Variants in FHL2 observed in about 807,000 individuals in gnomAD.
FHL2 encodes four and a half LIM domains protein 2.
Under a neutral mutation model 32.7 loss-of-function variants are expected in FHL2, and 20 were observed. That is an observed-to-expected ratio of 0.61 (90% CI 0.43 to 0.89). The LOEUF (loss-of-function observed/expected upper bound fraction) is 0.89. FHL2 is among the 40% of genes least tolerant of loss of function. FHL2 has a pLI of 0.00. For synonymous variants in FHL2, 123 were observed against 128.1 expected (o/e 0.96, Z 0.27); for missense variants, 311 against 358.6 (o/e 0.87, Z 1.07).
chr2:105,429,899 T>C (rs866101101), intron 1 of FHL2, among the ~76,000 whole-genome samples: 14 of 152,170 alleles, frequency 9.2e-5, no homozygotes, highest in African/African-American at 1.4e-4. Flanking sequence ...GCTCAGTTCA[T>C]GGTAGCCATG....
chr2:105,393,472 A>G (rs1682882388), intron 2 of FHL2, among the ~76,000 whole-genome samples: 1 of 152,186 alleles, frequency 6.6e-6, no homozygotes. Flanking sequence ...AAACTGGTCT[A>G]TGTGGGCTCT....
intron 3 of FHL2, chr2:105,378,357 C>T (rs1558695107): frequency 2.7e-6 from 1 of 370,384 alleles, no homozygotes; most frequent in Non-Finnish European, 5.4e-6. Flanking sequence ...TGTCCCCCCA[C>T]ACCCTGCTCT....
intron 5 of FHL2, among the ~76,000 whole-genome samples, chr2:105,366,379 G>A (rs944563900): frequency 2.0e-5 from 3 of 152,182 alleles, no homozygotes; most frequent in African/African-American, 7.2e-5. Flanking sequence ...AAGGGTAGAG[G>A]CCCCAAGGGC....
At chr2:105,401,573 G>A (rs758602450), upstream of FHL2, among the ~76,000 whole-genome samples, 10 of 152,080 alleles carry the variant, frequency 6.6e-5, no homozygotes, top group Non-Finnish European at 1.0e-4. Context: ...TGTGTAAAAC[G>A]ATAGACACAC....
At chr2:105,406,476 C>A (rs1339059607) in intron 1 of FHL2, among the ~76,000 whole-genome samples, 4 of 141,982 alleles carry the variant, frequency 2.8e-5, no homozygotes, top group African/African-American at 1.1e-4. Flanking sequence ...TTTTGGCCTT[C>A]CTTTTGATAA....
chr2:105,421,043 C>T (rs1558730914), intron 1 of FHL2, among the ~76,000 whole-genome samples: 1 of 152,166 alleles, frequency 6.6e-6, no homozygotes, highest in Admixed American at 6.5e-5. Context: ...TGTACAGAGC[C>T]AGTGGTGGCC....
At chr2:105,395,218 C>T (rs1294900654) in intron 2 of FHL2, among the ~76,000 whole-genome samples, 2 of 152,222 alleles carry the variant, frequency 1.3e-5, no homozygotes, top group Non-Finnish European at 2.9e-5. Flanking sequence ...CAATTGCAGC[C>T]ATGCAGGACA....
chr2:105,386,426 A>G lies in FHL2; in HGVS notation c.91T>C (p.Cys31Arg). The G allele has an allele frequency of 1.2e-6, 2 of 1,614,218 alleles. No homozygotes were observed. Among genetic ancestry groups the G allele is most frequent in the Non-Finnish European group, 1.7e-6 (2 of 1,180,042 alleles). The change falls in exon 3 of 7, where the codon TGC (cysteine) becomes CGC (arginine). Residue 31 changes from cysteine to arginine, a missense_variant. Transcript: ENST00000530340. ...LREESPYCVV[C>R]FETLFANTCE... ...GTGTTGGCGAACAGGGTCTCAAAGC[A>G]CACCACGCAGTAGGGGCTCTCCTCC...
intron 2 of FHL2, among the ~76,000 whole-genome samples, chr2:105,392,238 C>T (rs928473729): frequency 2.6e-5 from 4 of 152,116 alleles, no homozygotes; most frequent in African/African-American, 9.7e-5. Flanking sequence ...TTTGGGAGAC[C>T]GAGGCAGACA....
intron 2 of FHL2, among the ~76,000 whole-genome samples, chr2:105,394,297 G>A (rs541750851): frequency 3.3e-5 from 5 of 152,156 alleles, no homozygotes; most frequent in Non-Finnish European, 7.4e-5. Flanking sequence ...AAGCCTTGGA[G>A]TCCCTAAAGA....
chr2:105,396,238 TGGAGACCCA>T (rs1683120849), intron 2 of FHL2, among the ~76,000 whole-genome samples: 1 of 152,138 alleles, frequency 6.6e-6, no homozygotes, highest in Non-Finnish European at 1.5e-5. Flanking sequence ...GTCAGTAGGC[TGGAGACCCA>T]GGAGAGCCGA....
intron 1 of FHL2, among the ~76,000 whole-genome samples, chr2:105,398,407 T>G (rs1683288044): frequency 6.6e-6 from 1 of 152,214 alleles, no homozygotes; most frequent in African/African-American, 2.4e-5. Context: ...TTATTTCTAC[T>G]AAAGGGAAAT....
chr2:105,394,461 T>C (rs1430133490), intron 2 of FHL2, among the ~76,000 whole-genome samples: 1 of 151,854 alleles, frequency 6.6e-6, no homozygotes, highest in Non-Finnish European at 1.5e-5. Context: ...CAGTCCTAGC[T>C]ACCTGGGAGA....
In FHL2 at chr2:105,390,798, A is replaced by ATT. The variant is rs66618223; in HGVS notation, c.-24-4260_-24-4259dup. ...GTATTAGAAATCTCCTATAACTTGC[A>ATT]TTTTTTTTTTTTTTTTGAGACAGAG... On this transcript the variant is annotated intron_variant, in intron 2 of 6. Coordinates refer to ENST00000530340, the MANE Select transcript of FHL2 (RefSeq NM_001318895.3). Among the ~76,000 whole-genome samples the ATT allele has an allele frequency of 3.6e-4, 52 of 143,096 alleles. 1 individual carries two copies. The highest frequency in any genetic ancestry group is 3.7e-3 in the Middle Eastern group (1 of 272). 93.9% of individuals were successfully genotyped at this position (143,096 alleles called of 152,430 possible). A position where few individuals can be genotyped will look rare whatever the true frequency, so the allele number is the denominator to read the frequency against.
chr2:105,438,521 C>T (rs903484687), upstream of FHL2: 4 of 985,406 alleles, frequency 4.1e-6, no homozygotes, highest in African/African-American at 3.5e-5. Context: ...GCTGCGCTGC[C>T]CTTGTCAGTG....
At chr2:105,429,018 G>A (rs563154461) in intron 1 of FHL2, among the ~76,000 whole-genome samples, 8 of 152,232 alleles carry the variant, frequency 5.3e-5, no homozygotes, top group Non-Finnish European at 8.8e-5. Context: ...ATAAAACAAT[G>A]TTGAAAGTTA....
At chr2:105,435,576 C>A (rs1216187652) in intron 1 of FHL2, among the ~76,000 whole-genome samples, 1 of 152,154 alleles carries the variant, frequency 6.6e-6, no homozygotes, top group Non-Finnish European at 1.5e-5. Context: ...AATGACAGCA[C>A]TTTGGGAGGC....
chr2:105,402,227 A>G (rs527878504), upstream of FHL2, among the ~76,000 whole-genome samples: 154 of 147,220 alleles, frequency 1.0e-3, 1 homozygote, highest in African/African-American at 3.4e-3. Context: ...ATATGTGTGT[A>G]TATATATATG....
chr2:105,434,261 G>A (rs1394324570), intron 1 of FHL2, among the ~76,000 whole-genome samples: 1 of 152,200 alleles, frequency 6.6e-6, no homozygotes, highest in Non-Finnish European at 1.5e-5. Flanking sequence ...ATGCCAACTG[G>A]ATCGGAAAGT....
Sources: gnomAD v4.1 joint callset for allele counts (sites outside exome capture counted in the v4.1 genomes callset) on GRCh38, gnomAD v4.1.1 for gene constraint, MANE v1.5 for transcripts, NCBI Gene and HGNC (gene_info 2026-07-23, HGNC 2026-07-21) for gene names.